Variants in GABRB1 observed in about 807,000 individuals in gnomAD.
The protein encoded by GABRB1 is gamma-aminobutyric acid receptor subunit beta-1.
Under a neutral mutation model 51.6 loss-of-function variants are expected in GABRB1, and 17 were observed. That is an observed-to-expected ratio of 0.33 (90% CI 0.23 to 0.49). GABRB1 has a LOEUF of 0.49. Ranked by LOEUF, GABRB1 falls within the 20% of genes least tolerant of loss-of-function variation. The probability of loss-of-function intolerance (pLI) is 0.99; values close to 1 mark genes in which losing one functional copy is unlikely to be tolerated. For missense variants in GABRB1, 410 were observed against 600.6 expected (o/e 0.68, Z 3.32); for synonymous variants, 247 against 218.9 (o/e 1.13, Z -1.14).
At chr4:47,137,567 C>T (rs991050681) in intron 3 of GABRB1, among the ~76,000 whole-genome samples, 3 of 152,020 alleles carry the variant, frequency 2.0e-5, no homozygotes, top group Non-Finnish European at 4.4e-5. Context: ...AGATAATTTT[C>T]TCTTTAGTTC....
intron 3 of GABRB1, among the ~76,000 whole-genome samples, chr4:47,138,381 A>G (rs1040863513): frequency 4.6e-5 from 7 of 152,062 alleles, no homozygotes; most frequent in African/African-American, 1.4e-4. Context: ...TTGTTTTAAG[A>G]TAATCACCCA....
Position 47,161,346 on chromosome 4 carries a change from C to G in GABRB1, c.338C>G (p.Ala113Gly). 1 of 1,612,324 alleles carries G rather than the reference C, an allele frequency of 6.2e-7. No homozygotes were observed. The highest frequency in any genetic ancestry group is 8.5e-7 in the Non-Finnish European group (1 of 1,178,892). The part of the protein sequence containing the change: ...PLNLTLDNRV[A>G]DQLWVPDTYF... The stretch of plus-strand genomic sequence containing the variant: ...AACCTCACCCTAGACAATAGGGTAG[C>G]TGACCAACTCTGGGTACCAGACACC... Residue 113 changes from alanine to glycine, a missense_variant, in exon 4 of 9, where the codon GCT becomes GGT. Ala to Gly is a moderately conservative substitution (Grantham distance 60). Coordinates refer to ENST00000295454, the MANE Select transcript of GABRB1 (RefSeq NM_000812.4).
chr4:47,391,206 A>G (rs1427134212), intron 5 of GABRB1, among the ~76,000 whole-genome samples: 1 of 140,480 alleles, frequency 7.1e-6, no homozygotes, highest in East Asian at 2.0e-4. Flanking sequence ...GAAAAGGAGT[A>G]AGCCTTCTTT....
chr4:47,100,016 GA>G (rs1047540181), intron 3 of GABRB1, among the ~76,000 whole-genome samples: 15 of 151,742 alleles, frequency 9.9e-5, no homozygotes, highest in Non-Finnish European at 1.9e-4. Flanking sequence ...ATATAATAAA[GA>G]AAAAAAGATT....
rs547448942 is a variant in GABRB1, at chr4:47,329,446, T to C, written c.544+9237T>C. Among the ~76,000 whole-genome samples, 29 of 149,028 alleles carry C rather than the reference T, an allele frequency of 1.9e-4. No homozygotes were observed. In the South Asian group the frequency reaches 4.8e-3, roughly 25 times the overall value. On this transcript the variant is annotated intron_variant, in intron 5 of 8. Coordinates refer to ENST00000295454, the MANE Select transcript of GABRB1 (RefSeq NM_000812.4). ...CAGCCAATCAAGCCAATAGGACATA[T>C]ATAGCACATACATATATATGGAATA...
At chr4:47,349,809 G>C (rs891056494) in intron 5 of GABRB1, among the ~76,000 whole-genome samples, 3 of 152,332 alleles carry the variant, frequency 2.0e-5, no homozygotes, top group East Asian at 3.9e-4. Flanking sequence ...ATAGAGGAAA[G>C]AGCATAGATT....
At chr4:47,187,334 A>G (rs1421812202) in intron 4 of GABRB1, among the ~76,000 whole-genome samples, 1 of 151,834 alleles carries the variant, frequency 6.6e-6, no homozygotes, top group Admixed American at 6.6e-5. Flanking sequence ...ATGATTACAA[A>G]CTAATCATGT....
intron 3 of GABRB1, among the ~76,000 whole-genome samples, chr4:47,150,360 A>ACACG (rs1717383939): frequency 9.9e-6 from 1 of 101,114 alleles, no homozygotes; most frequent in African/African-American, 3.1e-5. Context: ...ACACACACAC[A>ACACG]CACGCACATA....
chr4:47,021,563 C>T (rs28517884), intron 1 of GABRB1, among the ~76,000 whole-genome samples: 6,241 of 152,112 alleles, frequency 0.041, 398 homozygotes, highest in African/African-American at 0.14. Context: ...CAATAATGTG[C>T]GGTCTTCTCT....
chr4:47,031,633 C>G lies in GABRB1; in HGVS notation c.-19C>G, dbSNP rs368003363. ...TTGAATCTTCGCAGAAAAGACAATT[C>G]TTTTAATCAGAGTTAGTAATGTGGA... is the stretch of plus-strand genomic sequence containing the variant. On this transcript the variant is annotated 5_prime_UTR_variant, in exon 1 of 9. Coordinates refer to ENST00000295454, the MANE Select transcript of GABRB1 (RefSeq NM_000812.4). 7 of 1,597,104 alleles carry G rather than the reference C, an allele frequency of 4.4e-6. No homozygotes were observed. The highest frequency in any genetic ancestry group is 6.0e-6 in the Non-Finnish European group (7 of 1,164,910).
intron 1 of GABRB1, among the ~76,000 whole-genome samples, chr4:47,016,167 G>C (rs1724736813): frequency 6.6e-6 from 1 of 152,100 alleles, no homozygotes; most frequent in African/African-American, 2.4e-5. Context: ...AAAAACAATA[G>C]AAATAATGTA....
At chr4:47,154,567 T>C (rs1717608077) in intron 3 of GABRB1, among the ~76,000 whole-genome samples, 1 of 152,056 alleles carries the variant, frequency 6.6e-6, no homozygotes, top group African/African-American at 2.4e-5. Flanking sequence ...CTTTAATGTA[T>C]GCAATTATTG....
In GABRB1 at chr4:47,136,515, A is replaced by AT. The variant is rs67797488; in HGVS notation, c.241-24732dup. 5.5e-3 allele frequency among the ~76,000 whole-genome samples: 467 copies of AT among 85,198 alleles called. 5 individuals are homozygous for AT. The highest frequency in any genetic ancestry group is 0.028 in the African/African-American group (410 of 14,482). The allele number at this position is 85,198 out of a possible 152,430, so 55.9% of individuals were successfully genotyped here. Reference sequence around the variant, plus strand: ...GGGATGTCTCTCTTACAAAGACCAAATTAAAAAAAAATATATAAAAACAAA... The same window carrying AT: ...GGGATGTCTCTCTTACAAAGACCAAATTTAAAAAAAAATATATAAAAACAAA... On this transcript the variant is annotated intron_variant, in intron 3 of 8. Coordinates refer to ENST00000295454, the MANE Select transcript of GABRB1 (RefSeq NM_000812.4).
At chr4:47,070,569 T>G (rs1577879577) in intron 3 of GABRB1, among the ~76,000 whole-genome samples, 1 of 150,078 alleles carries the variant, frequency 6.7e-6, no homozygotes, top group African/African-American at 2.5e-5. Flanking sequence ...TGACCTCAGG[T>G]GATCCAACTG....
chr4:47,159,841 A>G (rs1717860265), intron 3 of GABRB1, among the ~76,000 whole-genome samples: 1 of 152,090 alleles, frequency 6.6e-6, no homozygotes, highest in Admixed American at 6.6e-5. Flanking sequence ...TGGTATATAT[A>G]ACAGTGGCAG....
intron 5 of GABRB1, among the ~76,000 whole-genome samples, chr4:47,397,373 A>G (rs552618886): frequency 6.6e-6 from 1 of 152,198 alleles, no homozygotes. Flanking sequence ...TTCTTAAGCT[A>G]TCTTTTCCCC....
chr4:47,195,093 C>T lies in GABRB1; in HGVS notation c.461+33624C>T, dbSNP rs1719591037. On this transcript the variant is annotated intron_variant, in intron 4 of 8. Transcript: ENST00000295454. The stretch of plus-strand genomic sequence containing the variant: ...TATAAATCAATATCCTGGGCCGGGC[C>T]CGGTGGCTCATGCCTGTAACCCCAG... Among the ~76,000 whole-genome samples, 3 of 152,014 alleles carry T rather than the reference C, an allele frequency of 2.0e-5. No homozygotes were observed. In the South Asian group the frequency reaches 6.2e-4, roughly 31 times the overall value.
intron 3 of GABRB1, among the ~76,000 whole-genome samples, chr4:47,084,905 G>A (rs927250225): frequency 1.3e-5 from 2 of 152,108 alleles, no homozygotes; most frequent in African/African-American, 4.8e-5. Flanking sequence ...CTCTTTACCA[G>A]CATCTATATG....
intron 4 of GABRB1, among the ~76,000 whole-genome samples, chr4:47,164,590 G>T (rs1185975282): frequency 6.6e-6 from 1 of 152,038 alleles, no homozygotes; most frequent in Admixed American, 6.6e-5. Context: ...TGTTCTGAAT[G>T]CACTGGAAAG....
Sources: allele counts gnomAD v4.1 joint callset (sites outside exome capture counted in the v4.1 genomes callset), GRCh38; gene constraint gnomAD v4.1.1; transcripts MANE v1.5; gene names NCBI Gene and HGNC (gene_info 2026-07-23, HGNC 2026-07-21).